The following ECD variants were observed in gnomAD, a reference collection of about 807,000 sequenced individuals.
ECD encodes protein ecdysoneless homolog.
In ECD, 59 loss-of-function variants were observed where a neutral mutation model predicts 77.2. That is an observed-to-expected ratio of 0.76 (90% CI 0.62 to 0.95). The LOEUF is 0.95. Among genes scored for constraint, ECD ranks in the 40% least tolerant of loss-of-function variants. The pLI is 0.00. For missense variants in ECD, 704 were observed against 763.4 expected (o/e 0.92, Z 0.92); for synonymous variants, 233 against 267.4 (o/e 0.87, Z 1.26).
intron 7 of ECD, among the ~76,000 whole-genome samples, chr10:73,150,203 C>G (rs903974176): frequency 1.3e-5 from 2 of 152,018 alleles, no homozygotes; most frequent in Non-Finnish European, 2.9e-5. Context: ...AGAACAGAGC[C>G]CTCAGAAATA....
intron 8 of ECD, 50 bp downstream of exon 8, chr10:73,148,226 T>G: frequency 6.3e-7 from 1 of 1,597,322 alleles, no homozygotes; most frequent in South Asian, 1.1e-5. Context: ...GTCGCTGGCT[T>G]GATTTTCCCT....
Position 73,134,519 on chromosome 10 carries a change from AGAAAT to A in ECD, c.*59_*63del. 7.1e-7 allele frequency: 1 copy of A among 1,404,160 alleles called. No individual in the cohort carries two copies. The highest frequency in any genetic ancestry group is 9.8e-7 in the Non-Finnish European group (1 of 1,025,338). 87.0% of individuals were successfully genotyped at this position (1,404,160 alleles called of 1,614,324 possible). A position where few individuals can be genotyped will look rare whatever the true frequency, so the allele number is the denominator to read the frequency against. ...TTTTACTAAATGAGTAATCTAAACT[AGAAAT>A]GAACAGAATCATATTCAATATTTAT... is the stretch of plus-strand genomic sequence containing the variant. On this transcript the variant is annotated 3_prime_UTR_variant, in exon 14 of 14. Transcript: ENST00000372979.
At chr10:73,137,186 T>G (rs1216575327) in intron 12 of ECD, among the ~76,000 whole-genome samples, 1 of 151,864 alleles carries the variant, frequency 6.6e-6, no homozygotes, top group African/African-American at 2.4e-5. Flanking sequence ...ATTAAAATAT[T>G]TTTCTTAAAA....
intron 3 of ECD, among the ~76,000 whole-genome samples, chr10:73,159,642 A>ATTTTTTTTTTTT (rs1169258127): frequency 2.4e-5 from 3 of 123,630 alleles, no homozygotes; most frequent in African/African-American, 9.8e-5. Flanking sequence ...CAGTACTTTA[A>ATTTTTTTTTTTT]TTTTTTTTTT....
In ECD at chr10:73,152,284, C is replaced by A; in HGVS notation, c.912+9G>T. 6.2e-7 allele frequency: 1 copy of A among 1,610,822 alleles called. No homozygotes were observed. The highest frequency in any genetic ancestry group is 1.1e-5 in the South Asian group (1 of 90,858). On this transcript the variant is annotated intron_variant, in intron 7 of 13. Transcript: ENST00000372979. ...AGAAAGGAAACAACATTTTCTGGTT[C>A]AACATTACCAATTTCATGCCCAATT...
chr10:73,163,933 T>A lies in ECD; in HGVS notation c.5A>T (p.Glu2Val). 1 of 1,613,690 alleles carries A rather than the reference T, an allele frequency of 6.2e-7. No individual in the cohort carries two copies. The highest frequency in any genetic ancestry group is 8.5e-7 in the Non-Finnish European group (1 of 1,179,930). The change falls in exon 2 of 14, where the codon GAA becomes GTA. Residue 2 changes from glutamate to valine, a missense_variant. This residue lies in a region of ECD where 559 missense variants were observed against 583.7 expected (regional missense o/e 0.96). Transcript: ENST00000372979. M[E>V]ETMKLATMED... Reference sequence around the variant, plus strand: ...CATCGTAGCAAGCTTCATGGTTTCTTCCATTCTTCTTTGAAAACTATGTTT... The same window carrying A: ...CATCGTAGCAAGCTTCATGGTTTCTACCATTCTTCTTTGAAAACTATGTTT...
At chr10:73,141,701 G>A (rs939512509) in intron 9 of ECD, among the ~76,000 whole-genome samples, 1 of 151,818 alleles carries the variant, frequency 6.6e-6, no homozygotes, top group Non-Finnish European at 1.5e-5. Flanking sequence ...TTTTTATTTT[G>A]CCTTTTGTTA....
chr10:73,160,576 T>C (rs760424856), intron 2 of ECD, 25 bp from the exon 3 acceptor site: 4 of 1,519,180 alleles, frequency 2.6e-6, no homozygotes, highest in South Asian at 1.2e-5. Context: ...AAAGCAACCA[T>C]GTAACCAGAT....
In ECD at chr10:73,152,382, G is replaced by C; in HGVS notation, c.823C>G (p.Gln275Glu). The C allele has an allele frequency of 6.2e-7, 1 of 1,613,816 alleles. No homozygotes were observed. Among genetic ancestry groups the C allele is most frequent in the Non-Finnish European group, 8.5e-7 (1 of 1,179,794 alleles). ...CTCCGCCGGTCTGGCACAAACCTTT[G>C]TTGCACCAATTGTGCATATAGACAT... ...TKCLYAQLVQQRFVPDRRSGY... is the reference protein window; with the variant it reads ...TKCLYAQLVQERFVPDRRSGY... The change falls in exon 7 of 14, where the codon CAA becomes GAA. Residue 275 changes from glutamine (Q) to glutamate (E), a missense_variant. Transcript: ENST00000372979.
At chr10:73,143,817 C>G (rs1319200283) in intron 9 of ECD, among the ~76,000 whole-genome samples, 2 of 137,892 alleles carry the variant, frequency 1.5e-5, no homozygotes, top group Non-Finnish European at 3.1e-5. Context: ...CATTACTGTA[C>G]GTATTTATAA....
At position 73,139,432 on chromosome 10, in the gene ECD, T is replaced by C. The variant is rs764140915; in HGVS notation, c.1298A>G (p.Lys433Arg). 6.2e-7 allele frequency: 1 copy of C among 1,614,198 alleles called. No homozygotes were observed. The highest frequency in any genetic ancestry group is 1.3e-5 in the African/African-American group (1 of 75,054). Residue 433 changes from lysine to arginine, a missense_variant, in exon 11 of 14, where the codon AAA (lysine) becomes AGA (arginine). This residue lies in a region of ECD where 559 missense variants were observed against 583.7 expected (regional missense o/e 0.96). Transcript: ENST00000372979. ...CTTGGAAACAGACTCGGATTCTTTTTTGCCAACAGCTTCCTGCAGCAGCTG... is the reference window on the plus strand; with the variant it reads ...CTTGGAAACAGACTCGGATTCTTTTCTGCCAACAGCTTCCTGCAGCAGCTG... The part of the protein sequence containing the change: ...LDQLLQEAVG[K>R]KESESVSKEE...
Position 73,148,286 on chromosome 10 carries a change from T to C in ECD, c.1031A>G (p.Asp344Gly). 6.2e-7 allele frequency: 1 copy of C among 1,613,658 alleles called. No individual in the cohort carries two copies. Among genetic ancestry groups the C allele is most frequent in the Non-Finnish European group, 8.5e-7 (1 of 1,179,758 alleles). Residue 344 changes from aspartate to glycine, a missense_variant, in exon 8 of 14, where the codon GAT becomes GGT. By Grantham distance (94) the Asp-to-Gly change is moderately conservative. Transcript: ENST00000372979. ...TATTGCAAGTCCTACCTTAAAGTAA[T>C]CATTCTTTTTCAGACTTTCAAGGAA... ...ASFLESLKKN[D>G]YFKGLIEGSA...
At chr10:73,143,031 A>G (rs1397155467) in intron 9 of ECD, among the ~76,000 whole-genome samples, 2 of 152,160 alleles carry the variant, frequency 1.3e-5, no homozygotes, top group African/African-American at 4.8e-5. Flanking sequence ...TTTCTCCTAC[A>G]TTAGCATGTA....
At position 73,134,297 on chromosome 10, in the gene ECD, G is replaced by C; in HGVS notation, c.*286C>G. The C allele has an allele frequency of 3.2e-6, 1 of 309,682 alleles. No individual in the cohort carries two copies. The highest frequency in any genetic ancestry group is 2.1e-5 in the African/African-American group (1 of 47,502). 19.2% of individuals were successfully genotyped at this position (309,682 alleles called of 1,614,324 possible). On this transcript the variant is annotated 3_prime_UTR_variant, in exon 14 of 14. Transcript: ENST00000372979. ...TTTAAATATTTAGAATTACTCCAAG[G>C]GTATATTGTGGTAGGGTATGTCTTT... is the stretch of plus-strand genomic sequence containing the variant.
intron 7 of ECD, 105 bp from the exon 8 acceptor site, chr10:73,148,509 C>CTGGA: frequency 8.0e-7 from 1 of 1,246,338 alleles, no homozygotes; most frequent in South Asian, 1.9e-5. Context: ...AACTAGATGA[C>CTGGA]TGGATACATG....
At position 73,134,753 on chromosome 10, in the gene ECD, A is replaced by T; in HGVS notation, c.1765T>A (p.Ser589Thr). Residue 589 changes from serine (S) to threonine (T), a missense_variant, in exon 14 of 14, where the codon TCT (serine) becomes ACT (threonine). Physicochemically the swap from Ser to Thr is moderately conservative, Grantham distance 58. This residue lies in a region of ECD where 142 missense variants were observed against 163.6 expected (regional missense o/e 0.87). Transcript: ENST00000372979. ...SDEEDSGTGE[S>T]VMAPVDVDLN... ...TCTACATCTACTGGTGCCATAACAGATTCTCCCGTACCAGAATCTTCCTCA... is the reference window on the plus strand; with the variant it reads ...TCTACATCTACTGGTGCCATAACAGTTTCTCCCGTACCAGAATCTTCCTCA... 1 of 1,614,164 alleles carries T rather than the reference A, an allele frequency of 6.2e-7. No individual in the cohort carries two copies. Among genetic ancestry groups the T allele is most frequent in the Non-Finnish European group, 8.5e-7 (1 of 1,180,016 alleles).
At chr10:73,153,872 T>C (rs146886006) in intron 6 of ECD, among the ~76,000 whole-genome samples, 41 of 151,844 alleles carry the variant, frequency 2.7e-4, no homozygotes, top group Non-Finnish European at 4.7e-4. Context: ...AAAACGTGTA[T>C]AGTTTGAGCA....
At position 73,137,930 on chromosome 10, in the gene ECD, T is replaced by A. The variant is rs1842997242; in HGVS notation, c.1489+73A>T. 6.7e-6 allele frequency: 8 copies of A among 1,198,774 alleles called. No individual in the cohort carries two copies. The East Asian group carries it at 1.9e-4, about 29-fold the overall frequency. 74.3% of individuals were successfully genotyped at this position (1,198,774 alleles called of 1,614,324 possible). A position where few individuals can be genotyped will look rare whatever the true frequency, so the allele number is the denominator to read the frequency against. On this transcript the variant is annotated intron_variant, in intron 12 of 13. Coordinates refer to ENST00000372979, the MANE Select transcript of ECD (RefSeq NM_007265.3). ...ACATTTTGGCTTCTGAGATATCTCATAAACCAATGCTCTAGCAACAGCCAT... is the reference window on the plus strand; with the variant it reads ...ACATTTTGGCTTCTGAGATATCTCAAAAACCAATGCTCTAGCAACAGCCAT...
At chr10:73,160,614 A>G in intron 2 of ECD, 63 bp from the exon 3 acceptor site, 1 of 1,202,040 alleles carries the variant, frequency 8.3e-7, no homozygotes, top group South Asian at 1.4e-5. Flanking sequence ...TAAAATGCAC[A>G]TAATCATTCA....
Sources: allele counts gnomAD v4.1 joint callset (sites outside exome capture counted in the v4.1 genomes callset), GRCh38; gene constraint gnomAD v4.1.1; regional missense constraint gnomAD v4.1.1; transcripts MANE v1.5; gene names NCBI Gene and HGNC (gene_info 2026-07-23, HGNC 2026-07-21).